PRDM15: variants seen among roughly 807,000 people sequenced by gnomAD.
The protein encoded by PRDM15 is PR/SET domain 15, also known as PR domain zinc finger protein 15.
In PRDM15, 64 loss-of-function variants were observed where a neutral mutation model predicts 128.6. The ratio of observed to expected loss-of-function variants is 0.50; its 90% CI spans 0.41 to 0.61. The LOEUF (loss-of-function observed/expected upper bound fraction) is 0.61, where lower values mean the gene tolerates loss of function less well. PRDM15 is among the 20% of genes least tolerant of loss of function. The pLI is 0.00. For missense variants in PRDM15, 1,242 were observed against 1,569.1 expected, an observed-to-expected ratio of 0.79 and a Z score of 3.52; for synonymous variants, 615 against 621.8, an observed-to-expected ratio of 0.99 and a Z score of 0.16.
chr21:41,817,741 T>C (rs1311800884), intron 18 of PRDM15, among the ~76,000 whole-genome samples: 1 of 152,064 alleles, frequency 6.6e-6, no homozygotes, highest in Non-Finnish European at 1.5e-5. Flanking sequence ...AAAAAACAAA[T>C]GAGCACAAGC....
intron 16 of PRDM15, 111 bp downstream of exon 16, chr21:41,820,956 G>T: frequency 7.3e-7 from 1 of 1,374,764 alleles, no homozygotes; most frequent in Non-Finnish European, 1.0e-6. Context: ...GAGACCCAGA[G>T]GACATCACTT....
In PRDM15 at chr21:41,847,097, G is replaced by A; in HGVS notation, c.633C>T (p.Leu211=). ...VCSATFLELQ[L]LNEHLLGHLE... is the part of the protein sequence containing the mutation. ...CCCACACGTCCTCCTTACCATTGAG[G>A]AGCTGCAGCTCCAGGAAGGTGGCAG... The change falls in exon 6 of 24, where the codon CTC becomes CTT. Residue 211 remains leucine, a synonymous_variant. Coordinates refer to ENST00000398548, the MANE Select transcript of PRDM15 (RefSeq NM_001040424.3). The A allele has an allele frequency of 6.5e-7, 1 of 1,549,260 alleles. No homozygotes were observed. The highest frequency in any genetic ancestry group is 8.7e-7 in the Non-Finnish European group (1 of 1,144,384).
intron 1 of PRDM15, among the ~76,000 whole-genome samples, chr21:41,875,746 C>G (rs2064390543): frequency 6.6e-6 from 1 of 152,304 alleles, no homozygotes; most frequent in African/African-American, 2.4e-5. Flanking sequence ...CCTACTGTAA[C>G]TTTTTGCAAC....
In PRDM15 at chr21:41,836,389, G is replaced by T; in HGVS notation, c.1183+79C>A. 20 of 1,454,978 alleles carry T rather than the reference G, an allele frequency of 1.4e-5. No homozygotes were observed. In the South Asian group the frequency reaches 2.4e-4, roughly 17 times the overall value. 90.1% of individuals were successfully genotyped at this position (1,454,978 alleles called of 1,614,324 possible). ...CTCGTGGGAGACGACCCAAGGAGGGGAGACTCCGTGCTGTCCTCCCACCCC... is the reference window on the plus strand; with the variant it reads ...CTCGTGGGAGACGACCCAAGGAGGGTAGACTCCGTGCTGTCCTCCCACCCC... On this transcript the variant is annotated intron_variant, in intron 9 of 23. Transcript: ENST00000398548.
chr21:41,850,741 C>T (rs1568984105), intron 5 of PRDM15, among the ~76,000 whole-genome samples: 1 of 151,410 alleles, frequency 6.6e-6, no homozygotes. Context: ...CAAAAAACTA[C>T]AAAAAAAGAA....
chr21:41,828,232 C>T lies in PRDM15; in HGVS notation c.1468G>A (p.Glu490Lys). The T allele has an allele frequency of 1.2e-6, 2 of 1,614,102 alleles. No homozygotes were observed. The highest frequency in any genetic ancestry group is 1.3e-5 in the African/African-American group (1 of 75,020). Residue 490 changes from glutamate (E) to lysine (K), a missense_variant, in exon 12 of 24, where the codon GAG (glutamate) becomes AAG (lysine). Coordinates refer to ENST00000398548, the MANE Select transcript of PRDM15 (RefSeq NM_001040424.3). The surrounding 1 kb of genome is among the most constrained non-coding windows in gnomAD (Gnocchi z 5.7). ...CGGTAGAACATCTTGCTGCAGACCT[C>T]ACAGGCAAACTTCTTGTCGCCGTGC... ...KKHGDKKFAC[E>K]VCSKMFYRKD...
At position 41,820,020 on chromosome 21, in the gene PRDM15, C is replaced by T. The variant is rs1273408567; in HGVS notation, c.2140+75G>A. On this transcript the variant is annotated intron_variant, in intron 17 of 23. Coordinates refer to ENST00000398548, the MANE Select transcript of PRDM15 (RefSeq NM_001040424.3). The stretch of plus-strand genomic sequence containing the variant: ...GCGACGGCTCTGTGTGTAGAATACG[C>T]GGAGACCCCCAGCATCCCTCCCTGC... 75 of 1,259,860 alleles carry T rather than the reference C, an allele frequency of 6.0e-5. No homozygotes were observed. In the South Asian group the frequency reaches 6.5e-4, roughly 11 times the overall value. 78.0% of individuals were successfully genotyped at this position (1,259,860 alleles called of 1,614,324 possible).
chr21:41,870,660 A>G (rs1275494278), intron 1 of PRDM15: 2 of 152,198 alleles, frequency 1.3e-5, no homozygotes, highest in African/African-American at 4.8e-5. Context: ...GAGGCCCCGA[A>G]AAGTCCTTCA....
intron 1 of PRDM15, chr21:41,878,932 C>A (rs1171669016): frequency 5.4e-5 from 51 of 952,538 alleles, no homozygotes; most frequent in Non-Finnish European, 5.1e-5. Flanking sequence ...CGCGGGCGGG[C>A]GGGGGGCGCG....
At chr21:41,853,362 C>A (rs983885199) in intron 5 of PRDM15, among the ~76,000 whole-genome samples, 2 of 152,142 alleles carry the variant, frequency 1.3e-5, no homozygotes, top group African/African-American at 4.8e-5. Flanking sequence ...AACAAGGAAA[C>A]AATGCTCGTA....
At chr21:41,823,582 A>C in intron 13 of PRDM15, 133 bp from the exon 14 acceptor site, 5 of 884,124 alleles carry the variant, frequency 5.7e-6, no homozygotes, top group East Asian at 2.7e-5. Flanking sequence ...TTGCATCTCC[A>C]GTTCCTCAGT....
At chr21:41,855,078 C>T (rs571630749) in intron 4 of PRDM15, among the ~76,000 whole-genome samples, 58 of 152,300 alleles carry the variant, frequency 3.8e-4, no homozygotes, top group African/African-American at 1.3e-3. Context: ...ATTGGGATAC[C>T]TGAGTGTTAC....
rs886828635 is a variant in PRDM15, at chr21:41,828,855, TC to T, written c.1367-523del. Among the ~76,000 whole-genome samples the T allele has an allele frequency of 2.0e-5, 3 of 150,406 alleles. No homozygotes were observed. The highest frequency in any genetic ancestry group is 3.0e-5 in the Non-Finnish European group (2 of 67,578). On this transcript the variant is annotated intron_variant, in intron 11 of 23. Transcript: ENST00000398548. The surrounding 1 kb of genome is among the most constrained non-coding windows in gnomAD (Gnocchi z 5.7). Reference sequence around the variant, plus strand: ...TGGGCGGGCATCAATGTGCCCATATTCCCCCCTTCACCCAAATCCTCCTCAG... The same window carrying T: ...TGGGCGGGCATCAATGTGCCCATATTCCCCCTTCACCCAAATCCTCCTCAG...
At chr21:41,868,478 G>T (rs558003845) in intron 1 of PRDM15, among the ~76,000 whole-genome samples, 1 of 151,962 alleles carries the variant, frequency 6.6e-6, no homozygotes, top group Non-Finnish European at 1.5e-5. Flanking sequence ...CCAGTTTCTC[G>T]GCGGCCTCAC....
At chr21:41,817,431 G>T (rs953151622) in intron 18 of PRDM15, among the ~76,000 whole-genome samples, 2 of 152,162 alleles carry the variant, frequency 1.3e-5, no homozygotes, top group Non-Finnish European at 2.9e-5. Flanking sequence ...CCACCTGCTG[G>T]TGACAGGCTC....
intron 1 of PRDM15, among the ~76,000 whole-genome samples, chr21:41,875,436 A>G (rs2064378716): frequency 6.6e-6 from 1 of 152,276 alleles, no homozygotes; most frequent in Non-Finnish European, 1.5e-5. Flanking sequence ...CACTCCCTGC[A>G]TCTCAGCTGA....
chr21:41,810,881 G>A lies in PRDM15; in HGVS notation c.2393-45C>T. The A allele has an allele frequency of 1.3e-6, 2 of 1,563,626 alleles. No homozygotes were observed. Among genetic ancestry groups the A allele is most frequent in the Non-Finnish European group, 1.8e-6 (2 of 1,134,398 alleles). On this transcript the variant is annotated intron_variant, in intron 19 of 23. Transcript: ENST00000398548. This position sits in a 1 kb window ranked among gnomAD's most constrained non-coding sequence, Gnocchi z 6.4. The stretch of plus-strand genomic sequence containing the variant: ...TAACTTCCTACGTTTAATGAGTGTT[G>A]TAAGTCCACATCAGGGCATGTCTTC...
chr21:41,809,990 T>A (rs1257048972), intron 21 of PRDM15, among the ~76,000 whole-genome samples, 164 bp downstream of exon 21: 2 of 152,222 alleles, frequency 1.3e-5, no homozygotes, highest in Non-Finnish European at 2.9e-5. Context: ...ACTCACTCAG[T>A]GCCTCCTGTG....
At chr21:41,866,225 T>A (rs975595122) in intron 1 of PRDM15, among the ~76,000 whole-genome samples, 2 of 152,256 alleles carry the variant, frequency 1.3e-5, no homozygotes, top group Non-Finnish European at 2.9e-5. Flanking sequence ...TCCAAATGTT[T>A]CATTTGCACA....
Sources: gnomAD v4.1 joint callset for allele counts (sites outside exome capture counted in the v4.1 genomes callset) on GRCh38, gnomAD v4.1.1 for gene constraint, Gnocchi (gnomAD v3.1) non-coding constraint, MANE v1.5 for transcripts, NCBI Gene and HGNC (gene_info 2026-07-23, HGNC 2026-07-21) for gene names.